The following SERINC5 variants were observed in gnomAD, a reference collection of about 807,000 sequenced individuals.
SERINC5 encodes the protein chromosome 5 open reading frame 12.
SERINC5 carries 41 observed loss-of-function variants against 63.1 expected under a neutral mutation model. The ratio of observed to expected loss-of-function variants is 0.65; its 90% CI spans 0.51 to 0.84. SERINC5 has a LOEUF of 0.84. Among genes scored for constraint, SERINC5 ranks in the 40% least tolerant of loss-of-function variants. The probability of loss-of-function intolerance (pLI) is 0.00; values close to 1 mark genes in which losing one functional copy is unlikely to be tolerated. For missense variants in SERINC5, 523 were observed against 573.0 expected (o/e 0.91, Z 0.89); for synonymous variants, 222 against 215.2 (o/e 1.03, Z -0.28).
intron 2 of SERINC5, among the ~76,000 whole-genome samples, chr5:80,178,467 A>G (rs1403572194): frequency 6.7e-6 from 1 of 149,062 alleles, no homozygotes; most frequent in African/African-American, 2.5e-5. Flanking sequence ...GGCTCAGGTA[A>G]TCTTCCTGCC....
chr5:80,225,780 G>A (rs4703806), intron 1 of SERINC5, among the ~76,000 whole-genome samples: 91,109 of 151,970 alleles, frequency 0.6, 27,600 homozygotes, highest in African/African-American at 0.67. Context: ...CCCTAAAGAC[G>A]GAACAAAGCC....
chr5:80,192,889 A>G (rs1749280262), intron 2 of SERINC5, among the ~76,000 whole-genome samples: 1 of 152,228 alleles, frequency 6.6e-6, no homozygotes, highest in Admixed American at 6.5e-5. Context: ...CAGCCGAGTC[A>G]CATCTGAGCC....
chr5:80,244,336 C>CA (rs1752075646), intron 1 of SERINC5, among the ~76,000 whole-genome samples: 1 of 151,950 alleles, frequency 6.6e-6, no homozygotes, highest in African/African-American at 2.4e-5. Flanking sequence ...CAGCCTCAAC[C>CA]TCCTGAGTAG....
chr5:80,146,788 T>G lies in SERINC5; in HGVS notation c.1093+457A>C, dbSNP rs536808417. ...TTTATTTTAACAGAAAGAGAACCCT[T>G]AAAAACCCTTAAAGACGTAAAACTT... On this transcript the variant is annotated intron_variant, in intron 10 of 11. Transcript: ENST00000507668. Among the ~76,000 whole-genome samples the G allele has an allele frequency of 1.1e-4, 16 of 152,154 alleles. No individual in the cohort carries two copies. In the South Asian group the frequency reaches 3.3e-3, roughly 32 times the overall value.
chr5:80,207,149 C>T (rs969950901), intron 1 of SERINC5, among the ~76,000 whole-genome samples: 1 of 152,096 alleles, frequency 6.6e-6, no homozygotes, highest in Non-Finnish European at 1.5e-5. Context: ...CAGGCGCCCG[C>T]CACCACGCCT....
At chr5:80,219,507 T>C (rs1209332392) in intron 1 of SERINC5, among the ~76,000 whole-genome samples, 4 of 152,142 alleles carry the variant, frequency 2.6e-5, no homozygotes, top group Admixed American at 1.3e-4. Context: ...AAATAGCCGC[T>C]GTTCATTGCC....
chr5:80,192,111 A>G (rs1749225238), intron 2 of SERINC5, among the ~76,000 whole-genome samples: 1 of 152,246 alleles, frequency 6.6e-6, no homozygotes, highest in Non-Finnish European at 1.5e-5. Flanking sequence ...GAGCTGCTAC[A>G]GAGACCACAG....
At chr5:80,231,227 T>G (rs1029759996) in intron 1 of SERINC5, among the ~76,000 whole-genome samples, 10 of 152,334 alleles carry the variant, frequency 6.6e-5, no homozygotes, top group African/African-American at 2.4e-4. Flanking sequence ...ATTTTCCAAT[T>G]AAGTTATTGC....
At position 80,229,050 on chromosome 5, in the gene SERINC5, T is replaced by TGGG. The variant is rs1174325559; in HGVS notation, c.28-26000_28-25998dup. Among the ~76,000 whole-genome samples the TGGG allele has an allele frequency of 1.4e-3, 129 of 94,164 alleles. 20 individuals carry two copies. Among genetic ancestry groups the TGGG allele is most frequent in the African/African-American group, 4.7e-3 (121 of 25,620 alleles). The allele number at this position is 94,164 out of a possible 152,430, so 61.8% of individuals were successfully genotyped here. A position where few individuals can be genotyped will look rare whatever the true frequency, so the allele number is the denominator to read the frequency against. On this transcript the variant is annotated intron_variant, in intron 1 of 11. Coordinates refer to ENST00000507668, the MANE Select transcript of SERINC5 (RefSeq NM_001174072.3). Reference sequence around the variant, plus strand: ...TTTTTTTTTTTTTTTTTTTTTTTTTTGGGGATGGAGTTGCCTAGGCTGGAG... The same window carrying TGGG: ...TTTTTTTTTTTTTTTTTTTTTTTTTTGGGGGGGATGGAGTTGCCTAGGCTGGAG...
intron 8 of SERINC5, among the ~76,000 whole-genome samples, chr5:80,153,449 CTCT>C (rs1204303221): frequency 6.6e-6 from 1 of 151,312 alleles, no homozygotes; most frequent in Non-Finnish European, 1.5e-5. Context: ...CCATACAACA[CTCT>C]TCTTGGAATT....
intron 5 of SERINC5, among the ~76,000 whole-genome samples, chr5:80,171,315 T>C (rs1747641172): frequency 6.6e-6 from 1 of 152,122 alleles, no homozygotes; most frequent in African/African-American, 2.4e-5. Context: ...CCCTAAATGT[T>C]TGATAATAAT....
chr5:80,139,368 T>C lies in SERINC5; in HGVS notation c.*4295A>G. The C allele has an allele frequency of 1.0e-6, 1 of 985,204 alleles. No homozygotes were observed. The highest frequency in any genetic ancestry group is 1.2e-6 in the Non-Finnish European group (1 of 829,724). 61.0% of individuals were successfully genotyped at this position (985,204 alleles called of 1,614,324 possible). A position where few individuals can be genotyped will look rare whatever the true frequency, so the allele number is the denominator to read the frequency against. ...CCTGAGAGAACTTCCCAGGATCCTTTATCCCAAAGGATTACCTTAAAGAGT... is the reference window on the plus strand; with the variant it reads ...CCTGAGAGAACTTCCCAGGATCCTTCATCCCAAAGGATTACCTTAAAGAGT... On this transcript the variant is annotated 3_prime_UTR_variant, in exon 12 of 12. Transcript: ENST00000507668.
chr5:80,197,626 A>AC (rs1749593871), intron 2 of SERINC5, among the ~76,000 whole-genome samples: 1 of 152,098 alleles, frequency 6.6e-6, no homozygotes, highest in Non-Finnish European at 1.5e-5. Flanking sequence ...TGCACAGGTC[A>AC]CCCATCCTTC....
chr5:80,244,552 C>A (rs1414076830), intron 1 of SERINC5, among the ~76,000 whole-genome samples: 1 of 151,568 alleles, frequency 6.6e-6, no homozygotes, highest in Non-Finnish European at 1.5e-5. Context: ...TGGTCTCGGC[C>A]GGGCACAGTG....
chr5:80,250,348 T>C (rs2112614249), intron 1 of SERINC5, among the ~76,000 whole-genome samples: 1 of 152,284 alleles, frequency 6.6e-6, no homozygotes, highest in South Asian at 2.1e-4. Context: ...ATCATCATTA[T>C]TATTATTTTT....
chr5:80,184,633 G>A (rs1748686016), intron 2 of SERINC5, among the ~76,000 whole-genome samples: 2 of 152,158 alleles, frequency 1.3e-5, no homozygotes, highest in Admixed American at 1.3e-4. Flanking sequence ...TTTTCAGTAT[G>A]TGGTAAGTAT....
Position 80,168,439 on chromosome 5 carries a change from G to A in SERINC5, c.763+896C>T, listed in dbSNP as rs6869082. 1.2e-3 allele frequency among the ~76,000 whole-genome samples: 182 copies of A among 152,186 alleles called. No individual in the cohort carries two copies. The East Asian group carries it at 0.021, about 18-fold the overall frequency. On this transcript the variant is annotated intron_variant, in intron 6 of 11. Coordinates refer to ENST00000507668, the MANE Select transcript of SERINC5 (RefSeq NM_001174072.3). ...TAGTCTTGAACTCCTGACCTCAGAC[G>A]ATCTGCCTGCCTCAGCCTCCCAAAG...
intron 8 of SERINC5, among the ~76,000 whole-genome samples, chr5:80,151,706 C>G (rs999643282): frequency 1.3e-5 from 2 of 152,202 alleles, no homozygotes; most frequent in African/African-American, 4.8e-5. Context: ...AGGGTTCCAG[C>G]TAACTTTACA....
rs1005442088 is a variant in SERINC5 at position 80,219,803 on chromosome 5, A to G, written c.28-16750T>C. ...GGTGCTTATACTTATTTCTTCTATC[A>G]TCAACAGAAATGAAAATAACCTTAC... On this transcript the variant is annotated intron_variant, in intron 1 of 11. Coordinates refer to ENST00000507668, the MANE Select transcript of SERINC5 (RefSeq NM_001174072.3). Among the ~76,000 whole-genome samples the G allele has an allele frequency of 1.5e-4, 23 of 152,306 alleles. No individual in the cohort carries two copies. The East Asian group carries it at 3.9e-3, about 26-fold the overall frequency.
Sources: gnomAD v4.1 joint callset for allele counts (sites outside exome capture counted in the v4.1 genomes callset) on GRCh38, gnomAD v4.1.1 for gene constraint, MANE v1.5 for transcripts, NCBI Gene and HGNC (gene_info 2026-07-23, HGNC 2026-07-21) for gene names.